Variants in ANKS1A observed in about 807,000 individuals in gnomAD.
ANKS1A encodes ankyrin repeat and SAM domain-containing protein 1A.
A neutral mutation model predicts 120.3 loss-of-function variants in ANKS1A; 55 were observed. The observed-to-expected ratio is 0.46, with a 90% CI of 0.37 to 0.57. ANKS1A has a LOEUF of 0.57. Among genes scored for constraint, ANKS1A ranks in the 20% least tolerant of loss-of-function variants. The pLI, the probability that ANKS1A is intolerant of heterozygous loss-of-function variation, is 0.00. For synonymous variants in ANKS1A, 590 were observed against 604.7 expected (o/e 0.98, Z 0.36); for missense variants, 1,123 against 1,480.3 (o/e 0.76, Z 3.96).
At chr6:34,941,865 G>A (rs186514466) in intron 1 of ANKS1A, among the ~76,000 whole-genome samples, 1 of 152,322 alleles carries the variant, frequency 6.6e-6, no homozygotes, top group Non-Finnish European at 1.5e-5. Context: ...CTGGGAATGT[G>A]ACTGACAATG....
At chr6:34,902,411 G>A (rs919799956) in intron 1 of ANKS1A, among the ~76,000 whole-genome samples, 1 of 151,964 alleles carries the variant, frequency 6.6e-6, no homozygotes, top group South Asian at 2.1e-4. Flanking sequence ...ACCATGCCCA[G>A]CTAGTTTTGT....
Position 35,086,148 on chromosome 6 carries a change from T to A in ANKS1A, c.3303+212T>A. The A allele has an allele frequency of 8.4e-7, 1 of 1,184,046 alleles. No individual in the cohort carries two copies. Among genetic ancestry groups the A allele is most frequent in the Non-Finnish European group, 1.2e-6 (1 of 858,936 alleles). The allele number at this position is 1,184,046 out of a possible 1,614,324, so 73.3% of individuals were successfully genotyped here. On this transcript the variant is annotated intron_variant, in intron 22 of 23. Coordinates refer to ENST00000360359, the MANE Select transcript of ANKS1A (RefSeq NM_015245.3). This position sits in a 1 kb window ranked among gnomAD's most constrained non-coding sequence, Gnocchi z 5.1. ...TGGGCGGGCCTCTCATGCTCCTGTT[T>A]CCCTCCCTCGCTGGGCTCCCCCAAG...
chr6:34,899,277 A>G (rs944660514), intron 1 of ANKS1A, among the ~76,000 whole-genome samples: 8 of 152,166 alleles, frequency 5.3e-5, no homozygotes, highest in South Asian at 2.1e-4. Context: ...GTTCTTTTTC[A>G]TAGACCAAAT....
rs753822903 is a variant in ANKS1A at position 35,081,016 on chromosome 6, C to G, written c.2567C>G (p.Thr856Arg). The G allele has an allele frequency of 6.2e-7, 1 of 1,613,786 alleles. No individual in the cohort carries two copies. Among genetic ancestry groups the G allele is most frequent in the South Asian group, 1.1e-5 (1 of 91,056 alleles). The change falls in exon 17 of 24, where the codon ACG (threonine) becomes AGG (arginine). Residue 856 changes from threonine to arginine, a missense_variant. Physicochemically the swap from Thr to Arg is moderately conservative, Grantham distance 71 (BLOSUM62 -1). Transcript: ENST00000360359. Reference sequence around the variant, plus strand: ...CAGTGCCAAGATTTGCTCTCCCAGACGTCATCCCCACTGAGTCAGAATGAT... The same window carrying G: ...CAGTGCCAAGATTTGCTCTCCCAGAGGTCATCCCCACTGAGTCAGAATGAT... The part of the protein sequence containing the change: ...QLRCQDLLSQ[T>R]SSPLSQNDSC...
intron 11 of ANKS1A, among the ~76,000 whole-genome samples, chr6:35,028,656 T>C (rs1178846401): frequency 6.6e-6 from 1 of 152,208 alleles, no homozygotes; most frequent in African/African-American, 2.4e-5. Context: ...ATGTTAAGCA[T>C]TTTTCTTTTT....
At chr6:34,898,623 C>G (rs1276047067) in intron 1 of ANKS1A, among the ~76,000 whole-genome samples, 1 of 152,010 alleles carries the variant, frequency 6.6e-6, no homozygotes, top group Non-Finnish European at 1.5e-5. Flanking sequence ...AATTGCAAGA[C>G]AAAGAAATGC....
intron 1 of ANKS1A, among the ~76,000 whole-genome samples, chr6:34,951,123 G>A (rs1042579649): frequency 5.3e-5 from 8 of 152,126 alleles, no homozygotes; most frequent in East Asian, 1.9e-4. Context: ...CATTTTCCAC[G>A]TCGTAGATCT....
intron 3 of ANKS1A, among the ~76,000 whole-genome samples, chr6:34,976,657 TA>T (rs929609498): frequency 1.8e-3 from 266 of 147,150 alleles, no homozygotes; most frequent in African/African-American, 5.4e-3. Context: ...AACTTTTTAT[TA>T]AAAAAAAAAA....
chr6:35,055,477 G>T (rs1420135024), intron 12 of ANKS1A, among the ~76,000 whole-genome samples: 1 of 152,044 alleles, frequency 6.6e-6, no homozygotes, highest in Non-Finnish European at 1.5e-5. Context: ...TTACAGGCAT[G>T]TAACACCACG....
chr6:35,080,059 T>A, intron 16 of ANKS1A, 131 bp downstream of exon 16: 1 of 1,036,390 alleles, frequency 9.6e-7, no homozygotes, highest in Non-Finnish European at 1.4e-6. Flanking sequence ...AAGAGAGGAG[T>A]ACAGGAGAGG....
chr6:34,950,076 C>T (rs149802482), intron 1 of ANKS1A, among the ~76,000 whole-genome samples: 3 of 152,212 alleles, frequency 2.0e-5, no homozygotes, highest in African/African-American at 7.2e-5. Flanking sequence ...ACTTCTGACA[C>T]TTCTTAAAAT....
Position 34,994,322 on chromosome 6 carries a change from G to A in ANKS1A, c.1323G>A (p.Arg441=), listed in dbSNP as rs2127538684. 6.2e-7 allele frequency: 1 copy of A among 1,613,576 alleles called. No homozygotes were observed. The part of the protein sequence containing the change: ...TASEVLSMRP[R]IHGSAAREED... ...CTTAGGTTCTGTCCATGAGACCTAG[G>A]ATTCATGGGAGTGCAGCCCGGGAAG... is the stretch of plus-strand genomic sequence containing the variant. Residue 441 remains arginine, a synonymous_variant, in exon 10 of 24, where the codon AGG becomes AGA. Transcript: ENST00000360359.
At chr6:34,958,559 A>G (rs368188813) in intron 1 of ANKS1A, among the ~76,000 whole-genome samples, 214 of 152,308 alleles carry the variant, frequency 1.4e-3, no homozygotes, top group African/African-American at 4.9e-3. Context: ...CCCGCCTCCC[A>G]GCTGTCAACA....
In ANKS1A at chr6:34,992,453, A is replaced by C. The variant is rs531324808; in HGVS notation, c.1303-1849A>C. ...TTATAGGCTGGGCATCCAGGCTGTC[A>C]ATTACCTACCTCTGAAGGAAGCATG... On this transcript the variant is annotated intron_variant, in intron 9 of 23. Transcript: ENST00000360359. 8.5e-5 allele frequency among the ~76,000 whole-genome samples: 13 copies of C among 152,304 alleles called. No homozygotes were observed. In the South Asian group the frequency reaches 2.7e-3, roughly 32 times the overall value.
intron 10 of ANKS1A, among the ~76,000 whole-genome samples, chr6:35,010,949 A>C (rs1451135535): frequency 3.3e-5 from 5 of 152,208 alleles, no homozygotes; most frequent in African/African-American, 1.2e-4. Context: ...TCAAGAGATG[A>C]ATGAAAAGCT....
intron 1 of ANKS1A, among the ~76,000 whole-genome samples, chr6:34,910,022 G>A (rs1458395111): frequency 6.6e-6 from 1 of 152,200 alleles, no homozygotes; most frequent in Non-Finnish European, 1.5e-5. Context: ...CCCATGTAAA[G>A]GAGTTGGATT....
At chr6:34,917,643 G>T (rs1035303838) in intron 1 of ANKS1A, among the ~76,000 whole-genome samples, 2 of 152,206 alleles carry the variant, frequency 1.3e-5, no homozygotes, top group Admixed American at 1.3e-4. Flanking sequence ...CCTTCCAGCT[G>T]GGTGGACAGG....
chr6:34,971,665 A>G (rs1485928415), intron 3 of ANKS1A, among the ~76,000 whole-genome samples: 2 of 152,220 alleles, frequency 1.3e-5, no homozygotes, highest in Non-Finnish European at 2.9e-5. Context: ...AAAAAATAGG[A>G]AATTATCCTG....
chr6:35,024,067 T>C (rs1004047668), intron 11 of ANKS1A, among the ~76,000 whole-genome samples: 1 of 152,180 alleles, frequency 6.6e-6, no homozygotes, highest in South Asian at 2.1e-4. Context: ...TTTAACAAAA[T>C]TAAAAATCCA....
Sources: gnomAD v4.1 joint callset for allele counts (sites outside exome capture counted in the v4.1 genomes callset) on GRCh38, gnomAD v4.1.1 for gene constraint, Gnocchi (gnomAD v3.1) non-coding constraint, MANE v1.5 for transcripts, NCBI Gene and HGNC (gene_info 2026-07-23, HGNC 2026-07-21) for gene names.